The following MAP3K7CL variants were observed in gnomAD, a reference collection of about 807,000 sequenced individuals.
MAP3K7CL encodes the protein MAP3K7 C-terminal-like protein.
In MAP3K7CL, 16 loss-of-function variants were observed where a neutral mutation model predicts 18.6. The observed-to-expected ratio is 0.86, with a 90% CI of 0.58 to 1.31. MAP3K7CL has a LOEUF of 1.31. Ranked by LOEUF, MAP3K7CL falls within the 50% of genes most tolerant of loss-of-function variation. The pLI is 0.00. For missense variants in MAP3K7CL, 163 were observed against 174.4 expected, an observed-to-expected ratio of 0.93 and a Z score of 0.37; for synonymous variants, 65 against 66.8, an observed-to-expected ratio of 0.97 and a Z score of 0.13.
At chr21:29,120,596 T>A (rs1261138577) in intron 4 of MAP3K7CL, among the ~76,000 whole-genome samples, 1 of 152,218 alleles carries the variant, frequency 6.6e-6, no homozygotes, top group African/African-American at 2.4e-5. Flanking sequence ...AACCAGAATA[T>A]TTCATGGGAT....
chr21:29,172,007 T>C (rs1467288444), intron 4 of MAP3K7CL, among the ~76,000 whole-genome samples: 1 of 124,464 alleles, frequency 8.0e-6, no homozygotes, highest in Non-Finnish European at 2.0e-5. Flanking sequence ...CGTATGCATA[T>C]ATGTGTGTCA....
At chr21:29,098,395 C>T (rs1463353291) in intron 4 of MAP3K7CL, among the ~76,000 whole-genome samples, 3 of 152,150 alleles carry the variant, frequency 2.0e-5, no homozygotes, top group Admixed American at 6.5e-5. Context: ...AGTCTCCTGA[C>T]TCACCCCTCT....
upstream of MAP3K7CL, among the ~76,000 whole-genome samples, chr21:29,129,044 A>C (rs2086730923): frequency 6.6e-6 from 1 of 152,194 alleles, no homozygotes; most frequent in African/African-American, 2.4e-5. Flanking sequence ...TTTTACTTGT[A>C]TATTTAATAC....
chr21:29,172,241 C>CTTTTTTT (rs35612617), intron 4 of MAP3K7CL, among the ~76,000 whole-genome samples: 289 of 126,132 alleles, frequency 2.3e-3, no homozygotes, highest in Non-Finnish European at 3.3e-3. Context: ...TTGTCATTTT[C>CTTTTTTT]TTTTTTTTTT....
intron 2 of MAP3K7CL, among the ~76,000 whole-genome samples, chr21:29,147,335 A>G (rs1263257073): frequency 6.6e-6 from 1 of 151,938 alleles, no homozygotes; most frequent in Non-Finnish European, 1.5e-5. Context: ...TGCACTGTAT[A>G]TGTATCTGCA....
intron 4 of MAP3K7CL, among the ~76,000 whole-genome samples, chr21:29,095,094 C>G (rs1477959397): frequency 3.1e-5 from 3 of 96,034 alleles, no homozygotes; most frequent in African/African-American, 1.3e-4. Flanking sequence ...GGGAAGGGAG[C>G]AGAGGAGAGG....
At chr21:29,097,278 A>T (rs1273296119) in intron 4 of MAP3K7CL, among the ~76,000 whole-genome samples, 1 of 152,106 alleles carries the variant, frequency 6.6e-6, no homozygotes, top group Non-Finnish European at 1.5e-5. Flanking sequence ...TGCAGCATAG[A>T]TGGTAAGTTT....
chr21:29,171,485 A>G (rs1342774126), intron 4 of MAP3K7CL, among the ~76,000 whole-genome samples: 1 of 152,144 alleles, frequency 6.6e-6, no homozygotes, highest in Non-Finnish European at 1.5e-5. Context: ...CTGCATTTTG[A>G]TAGTTTCAAA....
At chr21:29,151,356 C>T (rs1350512995) in intron 3 of MAP3K7CL, among the ~76,000 whole-genome samples, 1 of 151,932 alleles carries the variant, frequency 6.6e-6, no homozygotes, top group Non-Finnish European at 1.5e-5. Context: ...ACTAGGGAGG[C>T]TGAGGCAGGA....
chr21:29,099,735 T>A (rs2086188213), intron 4 of MAP3K7CL, among the ~76,000 whole-genome samples: 1 of 151,980 alleles, frequency 6.6e-6, no homozygotes, highest in Admixed American at 6.6e-5. Context: ...AACCTCTTCT[T>A]CCTTTCCTCT....
intron 2 of MAP3K7CL, among the ~76,000 whole-genome samples, chr21:29,135,343 C>T (rs1218862825): frequency 1.3e-5 from 2 of 152,134 alleles, no homozygotes; most frequent in Admixed American, 1.3e-4. Context: ...AAGACACACG[C>T]GTGCAAACCC....
chr21:29,172,329 C>T (rs2087859657), intron 4 of MAP3K7CL, among the ~76,000 whole-genome samples: 1 of 140,938 alleles, frequency 7.1e-6, no homozygotes, highest in Non-Finnish European at 1.5e-5. Flanking sequence ...TGTAGAATTT[C>T]CCTGAATTTG....
intron 4 of MAP3K7CL, among the ~76,000 whole-genome samples, chr21:29,103,858 TGCTCCACTGCACTTCA>T (rs1383669354): frequency 2.0e-5 from 3 of 151,986 alleles, no homozygotes; most frequent in African/African-American, 4.8e-5. Context: ...AAGCTGTGAT[TGCTCCACTGCACTTCA>T]GCCTGGGTGA....
chr21:29,163,617 C>T (rs1428045482), intron 4 of MAP3K7CL, among the ~76,000 whole-genome samples: 3 of 151,998 alleles, frequency 2.0e-5, no homozygotes, highest in Non-Finnish European at 2.9e-5. Context: ...TCACTTCTCC[C>T]GGGGCAGGAG....
At chr21:29,114,268 C>G (rs1390433028) in intron 4 of MAP3K7CL, among the ~76,000 whole-genome samples, 1 of 152,030 alleles carries the variant, frequency 6.6e-6, no homozygotes, top group Admixed American at 6.5e-5. Flanking sequence ...AGGGTTTCGC[C>G]ATGTTGACCA....
In MAP3K7CL at chr21:29,174,946, A is replaced by C; in HGVS notation, c.*54A>C. Reference sequence around the variant, plus strand: ...GGCTGATGACTGCCCTGTGCTGGCCAAAAGATTTTTATTTTAAATGAATAG... The same window carrying C: ...GGCTGATGACTGCCCTGTGCTGGCCCAAAGATTTTTATTTTAAATGAATAG... On this transcript the variant is annotated 3_prime_UTR_variant, in exon 5 of 5. Coordinates refer to ENST00000399928, the MANE Select transcript of MAP3K7CL (RefSeq NM_001286620.2). 1.3e-6 allele frequency: 2 copies of C among 1,517,338 alleles called. No homozygotes were observed. The highest frequency in any genetic ancestry group is 2.5e-5 in the South Asian group (2 of 81,140). 94.0% of individuals were successfully genotyped at this position (1,517,338 alleles called of 1,614,324 possible).
At chr21:29,097,201 C>G (rs1201177239) in intron 4 of MAP3K7CL, among the ~76,000 whole-genome samples, 1 of 151,994 alleles carries the variant, frequency 6.6e-6, no homozygotes, top group Non-Finnish European at 1.5e-5. Context: ...CAAAAATATT[C>G]ACTCAGAGTA....
chr21:29,156,248 C>A (rs1208994989), intron 3 of MAP3K7CL, among the ~76,000 whole-genome samples: 1 of 152,220 alleles, frequency 6.6e-6, no homozygotes, highest in African/African-American at 2.4e-5. Context: ...GAAAATCTCT[C>A]TGACAAGAAT....
chr21:29,152,042 G>C (rs529983518), intron 3 of MAP3K7CL, among the ~76,000 whole-genome samples: 1 of 152,264 alleles, frequency 6.6e-6, no homozygotes, highest in East Asian at 1.9e-4. Context: ...TGAATGGAGA[G>C]TGTGTTACCA....
Sources: allele counts gnomAD v4.1 joint callset (sites outside exome capture counted in the v4.1 genomes callset), GRCh38; gene constraint gnomAD v4.1.1; transcripts MANE v1.5; gene names NCBI Gene and HGNC (gene_info 2026-07-23, HGNC 2026-07-21).